EPB41L4A: variants seen among roughly 807,000 people sequenced by gnomAD.
The protein encoded by EPB41L4A is erythrocyte membrane protein band 4.1 like 4A.
EPB41L4A carries 100 observed loss-of-function variants against 108.6 expected under a neutral mutation model. The observed-to-expected ratio is 0.92, with a 90% CI of 0.78 to 1.09. The LOEUF is 1.09. Ranked by LOEUF, EPB41L4A falls within the 50% of genes least tolerant of loss-of-function variation. The probability of loss-of-function intolerance (pLI) is 0.00; values close to 1 mark genes in which losing one functional copy is unlikely to be tolerated. For missense variants in EPB41L4A, 1,030 were observed against 842.7 expected (o/e 1.22, Z -2.75); for synonymous variants, 319 against 289.0 (o/e 1.10, Z -1.05).
chr5:112,219,906 G>A (rs1159692019), intron 12 of EPB41L4A, among the ~76,000 whole-genome samples: 1 of 152,096 alleles, frequency 6.6e-6, no homozygotes, highest in Non-Finnish European at 1.5e-5. Flanking sequence ...ATGTTGGCCA[G>A]GCTGGTCTTG....
intron 2 of EPB41L4A, among the ~76,000 whole-genome samples, chr5:112,286,746 C>G (rs949878544): frequency 1.3e-5 from 2 of 151,974 alleles, no homozygotes; most frequent in Non-Finnish European, 1.5e-5. Flanking sequence ...TCCCTTTTGA[C>G]AGAATCATTG....
At chr5:112,330,653 G>A (rs748946441) in intron 1 of EPB41L4A, among the ~76,000 whole-genome samples, 4 of 151,856 alleles carry the variant, frequency 2.6e-5, no homozygotes, top group South Asian at 2.1e-4. Flanking sequence ...AGCAGAAGAC[G>A]CAGAATTTGA....
chr5:112,259,400 T>C (rs868690132), intron 8 of EPB41L4A, 108 bp from the exon 9 acceptor site: 18 of 803,464 alleles, frequency 2.2e-5, no homozygotes, highest in Middle Eastern at 2.3e-4. Context: ...CTCCTTTATA[T>C]ACTGCTCCAT....
intron 1 of EPB41L4A, among the ~76,000 whole-genome samples, chr5:112,350,812 T>C (rs11241160): frequency 0.12 from 18,994 of 152,248 alleles, 1,315 homozygotes; most frequent in Non-Finnish European, 0.15. Context: ...TCATTCTTTT[T>C]TATAGCTGAA....
At chr5:112,371,735 C>G (rs1759509477) in intron 1 of EPB41L4A, among the ~76,000 whole-genome samples, 1 of 152,068 alleles carries the variant, frequency 6.6e-6, no homozygotes, top group Non-Finnish European at 1.5e-5. Flanking sequence ...TATTTACCAG[C>G]TGGGAGCAAA....
intron 1 of EPB41L4A, among the ~76,000 whole-genome samples, chr5:112,413,947 G>A (rs1762557502): frequency 6.6e-6 from 1 of 152,104 alleles, no homozygotes; most frequent in African/African-American, 2.4e-5. Flanking sequence ...GAGGAGGAAA[G>A]GTGGAATAAA....
chr5:112,142,920 A>C (rs766362598), exon 14 of EPB41L4A: 1 of 152,236 alleles, frequency 6.6e-6, no homozygotes, highest in East Asian at 1.9e-4. Context: ...AAAATGCTTC[A>C]GAAGTAGTTG....
At chr5:112,274,217 T>A (rs1387368567) in intron 4 of EPB41L4A, among the ~76,000 whole-genome samples, 5 of 151,954 alleles carry the variant, frequency 3.3e-5, no homozygotes, top group Admixed American at 6.6e-5. Context: ...GAGTTTGAGG[T>A]CACAGTGAGC....
chr5:112,314,061 T>C (rs1229181974), intron 1 of EPB41L4A, among the ~76,000 whole-genome samples: 1 of 151,854 alleles, frequency 6.6e-6, no homozygotes, highest in African/African-American at 2.4e-5. Context: ...GGTTTCACCG[T>C]GTTAGCCAGG....
intron 15 of EPB41L4A, among the ~76,000 whole-genome samples, chr5:112,203,599 C>G (rs1355749056): frequency 6.6e-6 from 1 of 152,140 alleles, no homozygotes; most frequent in Non-Finnish European, 1.5e-5. Context: ...CAAATATTAT[C>G]CCTTCAAACA....
At chr5:112,220,615 C>A (rs1250476934) in intron 12 of EPB41L4A, among the ~76,000 whole-genome samples, 1 of 152,148 alleles carries the variant, frequency 6.6e-6, no homozygotes, top group Non-Finnish European at 1.5e-5. Context: ...CTTAGAAAGC[C>A]TCTGTGTGTT....
intron 1 of EPB41L4A, among the ~76,000 whole-genome samples, chr5:112,370,732 C>T (rs979268202): frequency 1.7e-4 from 26 of 152,222 alleles, no homozygotes; most frequent in African/African-American, 4.8e-4. Context: ...CTGGCCAACA[C>T]GGCAAAACCC....
chr5:112,253,602 A>G (rs1490820100), intron 9 of EPB41L4A, among the ~76,000 whole-genome samples: 1 of 152,190 alleles, frequency 6.6e-6, no homozygotes, highest in Non-Finnish European at 1.5e-5. Context: ...CTGCAGTTAC[A>G]TCGGAATATC....
intron 1 of EPB41L4A, among the ~76,000 whole-genome samples, chr5:112,367,131 T>C (rs1272247133): frequency 2.0e-5 from 3 of 152,132 alleles, no homozygotes; most frequent in Admixed American, 1.3e-4. Flanking sequence ...GCTCCAGAAC[T>C]AGAGAGAGGC....
intron 12 of EPB41L4A, among the ~76,000 whole-genome samples, chr5:112,154,216 A>G (rs1234651406): frequency 6.6e-6 from 1 of 152,226 alleles, no homozygotes; most frequent in Non-Finnish European, 1.5e-5. Context: ...GAGAGCATTC[A>G]CAACACTATC....
chr5:112,220,825 T>A (rs375129883), intron 12 of EPB41L4A, among the ~76,000 whole-genome samples: 2 of 152,144 alleles, frequency 1.3e-5, no homozygotes, highest in African/African-American at 4.8e-5. Context: ...GTGATAGATA[T>A]CCTGCTTTAC....
Position 112,246,174 on chromosome 5 carries a change from A to G in EPB41L4A, c.796-5364T>C, listed in dbSNP as rs113742351. Among the ~76,000 whole-genome samples, 31 of 151,754 alleles carry G rather than the reference A, an allele frequency of 2.0e-4. 1 individual carries two copies. The highest frequency in any genetic ancestry group is 7.0e-4 in the African/African-American group (29 of 41,372). ...AGAAGATAGGAGCCCTTAGGGAGAA[A>G]TTTTTTTTTCTTTTAGTTTTCTTTT... On this transcript the variant is annotated intron_variant, in intron 9 of 22. Transcript: ENST00000261486.
Position 112,259,312 on chromosome 5 carries a change from G to A in EPB41L4A, c.732-20C>T, listed in dbSNP as rs1554086151. 3 of 1,606,172 alleles carry A rather than the reference G, an allele frequency of 1.9e-6. No homozygotes were observed. The highest frequency in any genetic ancestry group is 2.2e-5 in the South Asian group (2 of 90,848). On this transcript the variant is annotated intron_variant, in intron 8 of 22. Coordinates refer to ENST00000261486, the MANE Select transcript of EPB41L4A (RefSeq NM_022140.5). ...CGAGGCCTAAAAAACAAAGCAGATG[G>A]TGTTGCTGCTGTTTTTAAGTATTAA...
intron 1 of EPB41L4A, among the ~76,000 whole-genome samples, chr5:112,344,965 A>G (rs1404173217): frequency 5.9e-5 from 9 of 152,266 alleles, no homozygotes; most frequent in African/African-American, 2.2e-4. Context: ...TGCCTGCCAC[A>G]TAAGAAGTCT....
Sources: gnomAD v4.1 joint callset for allele counts (sites outside exome capture counted in the v4.1 genomes callset) on GRCh38, gnomAD v4.1.1 for gene constraint, MANE v1.5 for transcripts, NCBI Gene and HGNC (gene_info 2026-07-23, HGNC 2026-07-21) for gene names.